NSMCE2: variants seen among roughly 807,000 people sequenced by gnomAD.
The protein encoded by NSMCE2 is E3 SUMO-protein ligase NSE2.
A neutral mutation model predicts 23.8 loss-of-function variants in NSMCE2; 24 were observed. The ratio of observed to expected loss-of-function variants is 1.01; its 90% confidence interval spans 0.73 to 1.42. NSMCE2 has a LOEUF of 1.42. Ranked by LOEUF, NSMCE2 falls within the 40% of genes most tolerant of loss-of-function variation. The pLI, the probability that NSMCE2 is intolerant of heterozygous loss-of-function variation, is 0.00. For missense variants in NSMCE2, 284 were observed against 296.5 expected (o/e 0.96, Z 0.31); for synonymous variants, 92 against 94.1 (o/e 0.98, Z 0.13).
At chr8:125,262,631 T>C (rs984896656) in intron 5 of NSMCE2, among the ~76,000 whole-genome samples, 5 of 152,220 alleles carry the variant, frequency 3.3e-5, no homozygotes, top group Non-Finnish European at 5.9e-5. Flanking sequence ...CTTTGAAATT[T>C]GGAGCTCAAT....
intron 5 of NSMCE2, among the ~76,000 whole-genome samples, chr8:125,263,026 G>C (rs1402882070): frequency 2.0e-5 from 3 of 152,140 alleles, no homozygotes; most frequent in Admixed American, 2.0e-4. Flanking sequence ...TTCCTGTGCA[G>C]GCGACAGGGA....
intron 3 of NSMCE2, among the ~76,000 whole-genome samples, chr8:125,149,826 A>G (rs929585519): frequency 2.6e-5 from 4 of 152,064 alleles, no homozygotes; most frequent in Non-Finnish European, 4.4e-5. Flanking sequence ...TTTCTTGTGT[A>G]TTATAGGTAT....
At chr8:125,346,057 T>C (rs533722845) in intron 5 of NSMCE2, among the ~76,000 whole-genome samples, 21 of 151,978 alleles carry the variant, frequency 1.4e-4, no homozygotes, top group Non-Finnish European at 2.6e-4. Flanking sequence ...CTCAGGAGGC[T>C]GAGGCAGGAG....
intron 7 of NSMCE2, among the ~76,000 whole-genome samples, chr8:125,366,337 G>A (rs554210471): frequency 1.8e-4 from 28 of 152,264 alleles, no homozygotes; most frequent in South Asian, 4.1e-4. Flanking sequence ...TCAGGAGATC[G>A]AGACCATCCT....
intron 5 of NSMCE2, among the ~76,000 whole-genome samples, chr8:125,225,556 A>C (rs1198382545): frequency 6.6e-6 from 1 of 152,198 alleles, no homozygotes; most frequent in Non-Finnish European, 1.5e-5. Flanking sequence ...CCCCTGAGAA[A>C]GTTCAAAGTC....
intron 3 of NSMCE2, among the ~76,000 whole-genome samples, chr8:125,115,202 C>G (rs761913891): frequency 1.3e-5 from 2 of 152,158 alleles, no homozygotes; most frequent in Non-Finnish European, 2.9e-5. Context: ...ATTGACTCCA[C>G]CCATGGAAAT....
At chr8:125,123,457 A>G (rs948057345) in intron 3 of NSMCE2, among the ~76,000 whole-genome samples, 2 of 152,272 alleles carry the variant, frequency 1.3e-5, no homozygotes, top group South Asian at 2.1e-4. Flanking sequence ...TAACAATCCT[A>G]TGAAAATGAA....
intron 5 of NSMCE2, among the ~76,000 whole-genome samples, chr8:125,198,464 G>C: frequency 6.6e-6 from 1 of 152,136 alleles, no homozygotes; most frequent in East Asian, 1.9e-4. Context: ...TTTTGTCATT[G>C]GTTCTGTTTA....
At chr8:125,274,499 C>T (rs1827359152) in intron 5 of NSMCE2, among the ~76,000 whole-genome samples, 1 of 152,138 alleles carries the variant, frequency 6.6e-6, no homozygotes, top group South Asian at 2.1e-4. Context: ...TACCAGTTTT[C>T]AGTTAGACAA....
chr8:125,156,855 C>T (rs1403787961), intron 4 of NSMCE2, among the ~76,000 whole-genome samples: 1 of 152,172 alleles, frequency 6.6e-6, no homozygotes, highest in Non-Finnish European at 1.5e-5. Flanking sequence ...CCTTCATCAC[C>T]TGGTAAGTTG....
chr8:125,221,854 T>C (rs1824873275), intron 5 of NSMCE2, among the ~76,000 whole-genome samples: 1 of 152,212 alleles, frequency 6.6e-6, no homozygotes, highest in Admixed American at 6.5e-5. Flanking sequence ...TCAGAAAGTT[T>C]TGGATTTTGA....
intron 3 of NSMCE2, among the ~76,000 whole-genome samples, chr8:125,115,797 G>T (rs1818979356): frequency 6.6e-6 from 1 of 152,204 alleles, no homozygotes. Flanking sequence ...CTTGACCTGG[G>T]AGATGCTTGC....
intron 5 of NSMCE2, among the ~76,000 whole-genome samples, chr8:125,187,641 T>C (rs1185623537): frequency 6.6e-6 from 1 of 152,184 alleles, no homozygotes; most frequent in African/African-American, 2.4e-5. Context: ...TACGTGACTA[T>C]CAGGCCCTGT....
intron 5 of NSMCE2, among the ~76,000 whole-genome samples, chr8:125,307,479 T>C (rs993608149): frequency 1.3e-5 from 2 of 152,234 alleles, no homozygotes; most frequent in African/African-American, 2.4e-5. Flanking sequence ...TGGAAGACCC[T>C]AGTTGATACA....
intron 5 of NSMCE2, among the ~76,000 whole-genome samples, chr8:125,239,933 G>A (rs866880951): frequency 1.1e-4 from 17 of 152,100 alleles, no homozygotes; most frequent in African/African-American, 2.2e-4. Flanking sequence ...TAAGTGTGTC[G>A]CCCACTCTGA....
At chr8:125,323,229 A>T (rs1829523827) in intron 5 of NSMCE2, among the ~76,000 whole-genome samples, 1 of 152,232 alleles carries the variant, frequency 6.6e-6, no homozygotes, top group Non-Finnish European at 1.5e-5. Context: ...TTCTCACCGA[A>T]TTGATCTGTT....
chr8:125,318,565 A>G (rs7015753), intron 5 of NSMCE2, among the ~76,000 whole-genome samples: 66,950 of 152,138 alleles, frequency 0.44, 17,029 homozygotes, highest in East Asian at 0.55. Flanking sequence ...CAGTGATGTT[A>G]ATGGCAACAT....
At chr8:125,352,956 A>G (rs764646264) in intron 5 of NSMCE2, among the ~76,000 whole-genome samples, 7 of 152,056 alleles carry the variant, frequency 4.6e-5, no homozygotes, top group Non-Finnish European at 1.0e-4. Context: ...TCTCTTACTC[A>G]CTCGTGACAT....
chr8:125,348,611 C>T (rs1176251652), intron 5 of NSMCE2: 2 of 152,136 alleles, frequency 1.3e-5, no homozygotes, highest in Non-Finnish European at 2.9e-5. Context: ...GGTGTCCTCC[C>T]TACTTTTCTC....
Sources: gnomAD v4.1 joint callset for allele counts (sites outside exome capture counted in the v4.1 genomes callset) on GRCh38, gnomAD v4.1.1 for gene constraint, MANE v1.5 for transcripts, NCBI Gene and HGNC (gene_info 2026-07-23, HGNC 2026-07-21) for gene names.